The following PRRC2B variants were observed in gnomAD, a reference collection of about 807,000 sequenced individuals.
PRRC2B encodes protein PRRC2B.
PRRC2B carries 68 observed loss-of-function variants against 242.3 expected under a neutral mutation model. That is an observed-to-expected ratio of 0.28 (90% confidence interval 0.23 to 0.34). The LOEUF (loss-of-function observed/expected upper bound fraction) is 0.34, where lower values mean the gene tolerates loss of function less well. Among genes scored for constraint, PRRC2B ranks in the 10% least tolerant of loss-of-function variants. The pLI is 1.00. For synonymous variants in PRRC2B, 1,228 were observed against 1,173.6 expected (o/e 1.05, Z -0.95); for missense variants, 2,835 against 2,954.8 (o/e 0.96, Z 0.94).
In PRRC2B at chr9:131,458,081, C is replaced by T. The variant is rs986615314; in HGVS notation, c.1212-1083C>T. On this transcript the variant is annotated intron_variant, in intron 10 of 31. Coordinates refer to ENST00000683519, the MANE Select transcript of PRRC2B (RefSeq NM_013318.4). ...AGCATGGCACCCATCCCCTTCTTGT[C>T]CAGCCACCCCTGCAGCTCTGTTTGG... Among the ~76,000 whole-genome samples the T allele has an allele frequency of 2.9e-4, 44 of 152,238 alleles. 1 individual carries two copies. The highest frequency in any genetic ancestry group is 8.2e-4 in the African/African-American group (34 of 41,542).
intron 1 of PRRC2B, among the ~76,000 whole-genome samples, chr9:131,425,579 C>G (rs571010368): frequency 4.8e-4 from 73 of 152,046 alleles, no homozygotes; most frequent in Admixed American, 9.2e-4. Context: ...AGCTCCCCTT[C>G]TGGGTTCATG....
At chr9:131,466,458 T>C (rs4740159) in intron 12 of PRRC2B, among the ~76,000 whole-genome samples, 147,702 of 152,352 alleles carry the variant, frequency 0.97, 71,753 homozygotes, top group East Asian at 1. Context: ...CTAGGTCACA[T>C]AGCCTTTCTC....
At chr9:131,431,277 C>T (rs1838160378) in intron 2 of PRRC2B, among the ~76,000 whole-genome samples, 2 of 152,032 alleles carry the variant, frequency 1.3e-5, no homozygotes, top group African/African-American at 4.8e-5. Context: ...ACGACAGGCG[C>T]CCACCATCAT....
chr9:131,466,755 G>A (rs530016464), intron 12 of PRRC2B, among the ~76,000 whole-genome samples: 1 of 152,090 alleles, frequency 6.6e-6, no homozygotes, highest in East Asian at 1.9e-4. Context: ...ATATAGCTGG[G>A]ATTACAGGCG....
Position 131,487,793 on chromosome 9 carries a change from G to A in PRRC2B, c.5985-63G>A. 1 of 1,559,670 alleles carries A rather than the reference G, an allele frequency of 6.4e-7. No homozygotes were observed. Among genetic ancestry groups the A allele is most frequent in the Non-Finnish European group, 8.7e-7 (1 of 1,146,924 alleles). On this transcript the variant is annotated intron_variant, in intron 27 of 31. Coordinates refer to ENST00000683519, the MANE Select transcript of PRRC2B (RefSeq NM_013318.4). The surrounding 1 kb of genome is among the most constrained non-coding windows in gnomAD (Gnocchi z 5.3). The stretch of plus-strand genomic sequence containing the variant: ...CAAGCTCTCCGGGGATCTCTGAAGG[G>A]TGGGACCAGATCCGCAGCTGGACTC...
rs1180634384 is a variant in PRRC2B at position 131,447,679 on chromosome 9, G to A, written c.995G>A (p.Gly332Glu). The change falls in exon 9 of 32, where the codon GGA becomes GAA. Residue 332 changes from glycine to glutamate, a missense_variant. Gly to Glu is a moderately conservative substitution (Grantham distance 98, BLOSUM62 -2). Coordinates refer to ENST00000683519, the MANE Select transcript of PRRC2B (RefSeq NM_013318.4). ...NDQDGKENRL[G>E]LSRPLRPLRQ... is the part of the protein sequence containing the mutation. ...TTTATCAGAAAAGAAAACAGGCTGGGATTGTCTCGCCCACTCCGCCCACTA... is the reference window on the plus strand; with the variant it reads ...TTTATCAGAAAAGAAAACAGGCTGGAATTGTCTCGCCCACTCCGCCCACTA... 6 of 1,606,046 alleles carry A rather than the reference G, an allele frequency of 3.7e-6. No individual in the cohort carries two copies. Among genetic ancestry groups the A allele is most frequent in the African/African-American group, 1.3e-5 (1 of 74,818 alleles).
rs1318138800 is a variant in PRRC2B, at chr9:131,484,974, A to G, written c.5592A>G (p.Glu1864=). 3 of 1,613,060 alleles carry G rather than the reference A, an allele frequency of 1.9e-6. No homozygotes were observed. The East Asian group carries it at 6.7e-5, about 36-fold the overall frequency. Reference sequence around the variant, plus strand: ...TGGAGTCTGCGCGCAAGGCTTGGGAAAACTCCCCCAGTTTGCCGGAGCAGA... The same window carrying G: ...TGGAGTCTGCGCGCAAGGCTTGGGAGAACTCCCCCAGTTTGCCGGAGCAGA... ...LKMESARKAW[E]NSPSLPEQSS... Residue 1864 remains glutamate (E), a synonymous_variant, in exon 25 of 32, where the codon GAA becomes GAG. Coordinates refer to ENST00000683519, the MANE Select transcript of PRRC2B (RefSeq NM_013318.4).
intron 1 of PRRC2B, among the ~76,000 whole-genome samples, chr9:131,412,433 A>G (rs529132825): frequency 9.9e-5 from 15 of 152,272 alleles, no homozygotes; most frequent in African/African-American, 3.1e-4. Context: ...TCATTTCCAT[A>G]GTTCTTCCAA....
upstream of PRRC2B, among the ~76,000 whole-genome samples, chr9:131,389,558 C>G (rs550532602): frequency 6.6e-6 from 1 of 150,718 alleles, no homozygotes; most frequent in African/African-American, 2.4e-5. Context: ...TTGCTGGATG[C>G]TTTGTCCCCA....
intron 1 of PRRC2B, among the ~76,000 whole-genome samples, chr9:131,421,171 A>G (rs1837829377): frequency 6.6e-6 from 1 of 152,196 alleles, no homozygotes; most frequent in Admixed American, 6.5e-5. Context: ...TTACAGACAA[A>G]CTTTGCAGAT....
intron 1 of PRRC2B, among the ~76,000 whole-genome samples, chr9:131,414,225 A>T (rs1837580936): frequency 6.6e-6 from 1 of 151,568 alleles, no homozygotes; most frequent in Non-Finnish European, 1.5e-5. Flanking sequence ...GAAAAAAATG[A>T]AACTTTTATC....
chr9:131,399,276 CAAAAAAAA>C lies in PRRC2B; in HGVS notation c.-52+5027_-52+5034del, dbSNP rs72492020. On this transcript the variant is annotated intron_variant, in intron 1 of 31. Coordinates refer to ENST00000683519, the MANE Select transcript of PRRC2B (RefSeq NM_013318.4). ...TGGGAGACAGAGTGAAATTCTGTCT[CAAAAAAAA>C]AAAAAAAAAAAAAGTCTGGGCACGG... is the stretch of plus-strand genomic sequence containing the variant. Among the ~76,000 whole-genome samples the C allele has an allele frequency of 7.2e-4, 32 of 44,236 alleles. No homozygotes were observed. The East Asian group carries it at 0.02, about 28-fold the overall frequency. The allele number at this position is 44,236 out of a possible 152,430, so 29.0% of individuals were successfully genotyped here.
In PRRC2B at chr9:131,475,410, TG is replaced by T; in HGVS notation, c.3286del (p.Ala1096ProfsTer74). 1 of 1,578,482 alleles carries T rather than the reference TG, an allele frequency of 6.3e-7. No homozygotes were observed. Among genetic ancestry groups the T allele is most frequent in the Non-Finnish European group, 8.6e-7 (1 of 1,163,584 alleles). On this transcript the variant is annotated frameshift_variant, in exon 16 of 32. Coordinates refer to ENST00000683519, the MANE Select transcript of PRRC2B (RefSeq NM_013318.4). LOFTEE classifies it high-confidence loss of function. ...AGCGGCCTCTGTGGTGGGGGGGTCC[TG>T]GGGGCCCGCAGCATCTACTGCAGCA... ...NGSGLCGGGV[L>X]GARSIYCSSQ...
At position 131,494,699 on chromosome 9, in the gene PRRC2B, C is replaced by G. The variant is rs187856379; in HGVS notation, c.6555+213C>G. 2.0e-5 allele frequency among the ~76,000 whole-genome samples: 3 copies of G among 152,274 alleles called. No individual in the cohort carries two copies. Among genetic ancestry groups the G allele is most frequent in the African/African-American group, 7.2e-5 (3 of 41,554 alleles). On this transcript the variant is annotated intron_variant, in intron 31 of 31. Coordinates refer to ENST00000683519, the MANE Select transcript of PRRC2B (RefSeq NM_013318.4). This position sits in a 1 kb window ranked among gnomAD's most constrained non-coding sequence, Gnocchi z 4.3. ...GACGGGCGTCTGGATCCTTCCTTGT[C>G]CTGCAGAGAAGGGAGGATGCTGATT...
chr9:131,466,124 TTCTTAAATAAAC>T (rs1943389279), intron 12 of PRRC2B, among the ~76,000 whole-genome samples: 1 of 152,250 alleles, frequency 6.6e-6, no homozygotes, highest in Admixed American at 6.5e-5. Context: ...CTTTATAATT[TTCTTAAATAAAC>T]TCAGATCAGC....
At chr9:131,474,015 C>A (rs542876645) in intron 15 of PRRC2B, among the ~76,000 whole-genome samples, 139 of 152,296 alleles carry the variant, frequency 9.1e-4, no homozygotes, top group Non-Finnish European at 1.6e-3. Context: ...AGGTGGGGTC[C>A]AGAGCATGGG....
chr9:131,398,735 T>TG (rs1837137684), intron 1 of PRRC2B, among the ~76,000 whole-genome samples: 1 of 152,094 alleles, frequency 6.6e-6, no homozygotes, highest in Non-Finnish European at 1.5e-5. Context: ...TCCCAGTACT[T>TG]GGGGAGGCCA....
Position 131,447,722 on chromosome 9 carries a change from G to A in PRRC2B, c.1038G>A (p.Arg346=). ...PLRPLRQLVE[R]APRPTIINAE... ...GCCCACTAAGGCAGCTGGTGGAGCG[G>A]GCACCACGGCCCACCATTATCAATG... The change falls in exon 9 of 32, where the codon CGG becomes CGA. Residue 346 remains arginine (R), a synonymous_variant. Transcript: ENST00000683519. 1.2e-6 allele frequency: 2 copies of A among 1,613,636 alleles called. No individual in the cohort carries two copies. Among genetic ancestry groups the A allele is most frequent in the South Asian group, 1.1e-5 (1 of 91,038 alleles).
At chr9:131,418,606 C>G (rs1422363074) in intron 1 of PRRC2B, among the ~76,000 whole-genome samples, 9 of 152,176 alleles carry the variant, frequency 5.9e-5, no homozygotes, top group African/African-American at 2.2e-4. Context: ...TTCCAGCTTG[C>G]TCCAGGTGAC....
Sources: gnomAD v4.1 joint callset for allele counts (sites outside exome capture counted in the v4.1 genomes callset) on GRCh38, gnomAD v4.1.1 for gene constraint, Gnocchi (gnomAD v3.1) non-coding constraint, MANE v1.5 for transcripts, NCBI Gene and HGNC (gene_info 2026-07-23, HGNC 2026-07-21) for gene names.